Variants in PSG8 observed in about 807,000 individuals in gnomAD.
PSG8 encodes the protein pregnancy specific beta-1-glycoprotein 8.
PSG8 carries 57 observed loss-of-function variants against 42.5 expected under a neutral mutation model. The ratio of observed to expected loss-of-function variants is 1.34; its 90% CI spans 1.08 to 1.67. The LOEUF is 1.67. Ranked by LOEUF, PSG8 falls within the 40% of genes most tolerant of loss-of-function variation. The probability of loss-of-function intolerance (pLI) is 0.00; values close to 1 mark genes in which losing one functional copy is unlikely to be tolerated. For missense variants in PSG8, 783 were observed against 518.6 expected, an observed-to-expected ratio of 1.51 and a Z score of -4.95; for synonymous variants, 280 against 196.8, an observed-to-expected ratio of 1.42 and a Z score of -3.54.
In PSG8 at chr19:42,755,191, C is replaced by G. The variant is rs1431457796; in HGVS notation, c.785G>C (p.Cys262Ser). The G allele has an allele frequency of 5.2e-5, 84 of 1,611,736 alleles. No homozygotes were observed. Among genetic ancestry groups the G allele is most frequent in the Non-Finnish European group, 7.0e-5 (82 of 1,179,788 alleles). ...GGTGTAGTTCTCACTCTTAGGTTCA[C>G]AGGTGAAGTTTAAGACATCCTTATT... ...RENKDVLNFT[C>S]EPKSENYTYI... Residue 262 changes from cysteine to serine, a missense_variant, in exon 4 of 5, where the codon TGT becomes TCT. Cys to Ser is a moderately radical substitution (Grantham distance 112). Coordinates refer to ENST00000306511, the MANE Select transcript of PSG8 (RefSeq NM_182707.3).
chr19:42,759,800 T>A (rs1970028232), intron 2 of PSG8, among the ~76,000 whole-genome samples: 1 of 152,160 alleles, frequency 6.6e-6, no homozygotes, highest in South Asian at 2.1e-4. Context: ...ACATCTAAGA[T>A]CAATTGCTGG....
chr19:42,763,091 T>C (rs148569722), intron 2 of PSG8, among the ~76,000 whole-genome samples: 1,666 of 152,322 alleles, frequency 0.011, 36 homozygotes, highest in African/African-American at 0.038. Context: ...CACAGTCACC[T>C]GACCTAATGC....
chr19:42,761,600 T>C (rs1394572815), intron 2 of PSG8, among the ~76,000 whole-genome samples: 1 of 152,060 alleles, frequency 6.6e-6, no homozygotes, highest in East Asian at 1.9e-4. Flanking sequence ...AGAGTCAGAT[T>C]TAAGGGCAAA....
At chr19:42,754,840 T>C in intron 4 of PSG8, 148 bp downstream of exon 4, 1 of 1,430,292 alleles carries the variant, frequency 7.0e-7, no homozygotes, top group Non-Finnish European at 9.4e-7. Context: ...CCTACCCAGG[T>C]TTTCCCAGGG....
chr19:42,754,949 G>A, intron 4 of PSG8, 39 bp downstream of exon 4: 2 of 1,494,152 alleles, frequency 1.3e-6, no homozygotes, highest in East Asian at 4.8e-5. Context: ...TTTGATTTAA[G>A]CTGGTGTCCT....
At chr19:42,754,026 C>T (rs890715309), downstream of PSG8, 6 of 893,072 alleles carry the variant, frequency 6.7e-6, no homozygotes, top group African/African-American at 6.9e-5. Flanking sequence ...GAAAACAAAC[C>T]ATTTAAAGAA....
At chr19:42,755,324 C>G in intron 3 of PSG8, 58 bp from the exon 4 acceptor site, 2 of 1,587,712 alleles carry the variant, frequency 1.3e-6, no homozygotes, top group Non-Finnish European at 1.7e-6. Flanking sequence ...CCTCCACAGG[C>G]ATCCTTCAAT....
chr19:42,757,237 T>A (rs982240405), intron 3 of PSG8, among the ~76,000 whole-genome samples: 2 of 151,708 alleles, frequency 1.3e-5, no homozygotes, highest in African/African-American at 2.4e-5. Flanking sequence ...CTGTCCTGGG[T>A]TTTTGATTTT....
downstream of PSG8, chr19:42,754,061 A>T: frequency 9.2e-7 from 1 of 1,084,084 alleles, no homozygotes. Context: ...AATGAAAATC[A>T]TAAAAACATT....
Position 42,758,084 on chromosome 19 carries a change from C to A in PSG8, c.627G>T (p.Lys209Asn), listed in dbSNP as rs377706171. The change falls in exon 3 of 5, where the codon AAG (lysine) becomes AAT (asparagine). Residue 209 changes from lysine (K) to asparagine (N), a missense_variant. By Grantham distance (94) the Lys-to-Asn change is moderately conservative (BLOSUM62 0). Coordinates refer to ENST00000306511, the MANE Select transcript of PSG8 (RefSeq NM_182707.3). ...CACATTCATAGGGTCCTGCAGTGTA[C>A]TTTGTGACACCCAATAGAAAGAGGG... ...NRTLFLLGVTKYTAGPYECEI... is the reference protein window; with the variant it reads ...NRTLFLLGVTNYTAGPYECEI... The A allele has an allele frequency of 3.2e-5, 52 of 1,613,936 alleles. 2 individuals are homozygous for A. The Middle Eastern group carries it at 4.9e-4, about 15-fold the overall frequency.
chr19:42,765,628 T>A lies in PSG8; in HGVS notation c.-47A>T. On this transcript the variant is annotated 5_prime_UTR_variant, in exon 1 of 5. Coordinates refer to ENST00000306511, the MANE Select transcript of PSG8 (RefSeq NM_182707.3). Reference sequence around the variant, plus strand: ...CTCCTCTGTGGAGATGAGCCTAGGATCCAGAAGCTTCCTGAGCACAGCTCT... The same window carrying A: ...CTCCTCTGTGGAGATGAGCCTAGGAACCAGAAGCTTCCTGAGCACAGCTCT... 1.3e-6 allele frequency: 2 copies of A among 1,598,662 alleles called. No individual in the cohort carries two copies.
intron 1 of PSG8, among the ~76,000 whole-genome samples, chr19:42,764,658 G>A (rs554626864): frequency 2.0e-4 from 30 of 152,130 alleles, no homozygotes; most frequent in African/African-American, 7.0e-4. Flanking sequence ...GATACCCTGG[G>A]TCTTCCCTTT....
chr19:42,764,045 T>C lies in PSG8; in HGVS notation c.301A>G (p.Ile101Val), dbSNP rs149961067. The change falls in exon 2 of 5, where the codon ATA becomes GTA. Residue 101 changes from isoleucine to valine, a missense_variant. By Grantham distance (29) the Ile-to-Val change is conservative. Transcript: ENST00000306511. ...YGPAYSGRET[I>V]YSNASLLIQN... The stretch of plus-strand genomic sequence containing the variant: ...ATCAGCAGGGATGCATTGGAATATA[T>C]TGTTTCTCGTCCACTGTATGCAGGC... The C allele has an allele frequency of 3.1e-4, 507 of 1,613,916 alleles. 1 individual carries two copies. The African/African-American group carries it at 4.9e-3, about 15-fold the overall frequency.
chr19:42,763,465 C>T (rs1433867178), intron 2 of PSG8, among the ~76,000 whole-genome samples: 1 of 152,180 alleles, frequency 6.6e-6, no homozygotes, highest in Non-Finnish European at 1.5e-5. Context: ...GAAGCCACAA[C>T]CCAGCCCCAG....
Position 42,754,291 on chromosome 19 carries a change from C to A in PSG8, c.*4G>T. ...CTCTTCCCTGAAGGCCAGATAGACT[C>A]CACCTAAATCCCTATTGCCAAGGAT... On this transcript the variant is annotated 3_prime_UTR_variant, in exon 5 of 5. Transcript: ENST00000306511. The A allele has an allele frequency of 2.5e-6, 4 of 1,612,402 alleles. No homozygotes were observed. Among genetic ancestry groups the A allele is most frequent in the African/African-American group, 2.7e-5 (2 of 74,934 alleles).
At position 42,763,983 on chromosome 19, in the gene PSG8, G is replaced by A. The variant is rs1186480712; in HGVS notation, c.363C>T (p.Thr121=). ...NVTQEDAGSY[T]LHIIMGGDEN... ...CATCACCTCCCATTATGATGTGTAAGGTGTAGGATCCTGCGTCTTCCTGGG... is the reference window on the plus strand; with the variant it reads ...CATCACCTCCCATTATGATGTGTAAAGTGTAGGATCCTGCGTCTTCCTGGG... The change falls in exon 2 of 5, where the codon ACC becomes ACT. Residue 121 remains threonine (T), a synonymous_variant. Transcript: ENST00000306511. The A allele has an allele frequency of 2.5e-6, 4 of 1,611,182 alleles. No homozygotes were observed. The highest frequency in any genetic ancestry group is 1.7e-5 in the Admixed American group (1 of 59,662).
chr19:42,753,482 C>G, downstream of PSG8: 1 of 710,462 alleles, frequency 1.4e-6, no homozygotes. Flanking sequence ...CTATGGGCAT[C>G]TCTAGTTTTA....
At position 42,755,218 on chromosome 19, in the gene PSG8, T is replaced by G; in HGVS notation, c.758A>C (p.Glu253Ala). The change falls in exon 4 of 5, where the codon GAG becomes GCG. Residue 253 changes from glutamate (E) to alanine (A), a missense_variant. Physicochemically the swap from Glu to Ala is moderately radical, Grantham distance 107 (BLOSUM62 -1). Coordinates refer to ENST00000306511, the MANE Select transcript of PSG8 (RefSeq NM_182707.3). Reference sequence around the variant, plus strand: ...GGTGAAGTTTAAGACATCCTTATTCTCCCTGGGTTTTAAGTTGTTGATGGT... The same window carrying G: ...GGTGAAGTTTAAGACATCCTTATTCGCCCTGGGTTTTAAGTTGTTGATGGT... ...YITINNLKPR[E>A]NKDVLNFTCE... 6.2e-7 allele frequency: 1 copy of G among 1,612,076 alleles called. No homozygotes were observed. Among genetic ancestry groups the G allele is most frequent in the Non-Finnish European group, 8.5e-7 (1 of 1,179,796 alleles).
intron 2 of PSG8, among the ~76,000 whole-genome samples, chr19:42,761,742 A>G (rs1970079234): frequency 6.6e-6 from 1 of 152,032 alleles, no homozygotes; most frequent in African/African-American, 2.4e-5. Flanking sequence ...GATTTGAGTA[A>G]TAATAAACCT....
Sources: gnomAD v4.1 joint callset for allele counts (sites outside exome capture counted in the v4.1 genomes callset) on GRCh38, gnomAD v4.1.1 for gene constraint, MANE v1.5 for transcripts, NCBI Gene and HGNC (gene_info 2026-07-23, HGNC 2026-07-21) for gene names.